CAST: variants seen among roughly 807,000 people sequenced by gnomAD.
CAST encodes the protein calpastatin, also known as MIR583 host.
CAST carries 76 observed loss-of-function variants against 119.6 expected under a neutral mutation model. The observed-to-expected ratio is 0.64, with a 90% CI of 0.53 to 0.77. The LOEUF is 0.77. Ranked by LOEUF, CAST falls within the 30% of genes least tolerant of loss-of-function variation. The pLI is 0.00. For missense variants in CAST, 953 were observed against 946.5 expected (o/e 1.01, Z -0.09); for synonymous variants, 319 against 331.6 (o/e 0.96, Z 0.41).
chr5:96,624,915 T>C (rs1747689859), intron 1 of CAST, among the ~76,000 whole-genome samples: 1 of 152,256 alleles, frequency 6.6e-6, no homozygotes, highest in Non-Finnish European at 1.5e-5. Flanking sequence ...TGGTTATTTA[T>C]TTCCATGGCA....
At chr5:96,546,510 G>T (rs972982325) in intron 1 of CAST, 14 of 151,642 alleles carry the variant, frequency 9.2e-5, no homozygotes, top group African/African-American at 3.2e-4. Context: ...TCTAAGCTTA[G>T]TATAAAGACA....
At chr5:96,346,788 T>G in the CAST span, among the ~76,000 whole-genome samples, 1 of 152,128 alleles carries the variant, frequency 6.6e-6, no homozygotes, top group Admixed American at 6.6e-5. Context: ...CCCCCATCTG[T>G]CATAAGTTGG....
At chr5:96,472,839 C>G in the CAST span, among the ~76,000 whole-genome samples, 8 of 152,198 alleles carry the variant, frequency 5.3e-5, no homozygotes, top group African/African-American at 1.9e-4. Context: ...TGACTTAGAA[C>G]AATAGAAGTA....
At chr5:96,110,065 AT>A in the CAST span, among the ~76,000 whole-genome samples, 5 of 152,220 alleles carry the variant, frequency 3.3e-5, no homozygotes, top group Admixed American at 3.3e-4. Context: ...GGCCCCTAGA[AT>A]AAAAAAGTTG....
the CAST span, among the ~76,000 whole-genome samples, chr5:96,440,481 A>C: frequency 6.6e-6 from 1 of 152,092 alleles, no homozygotes; most frequent in African/African-American, 2.4e-5. Flanking sequence ...TGTATTGGCC[A>C]GGTCTGAGTT....
At chr5:96,460,420 C>T in the CAST span, among the ~76,000 whole-genome samples, 1 of 151,994 alleles carries the variant, frequency 6.6e-6, no homozygotes, top group Non-Finnish European at 1.5e-5. Context: ...GGACAAATAC[C>T]TAATGCATGC....
At chr5:96,020,669 C>G in the CAST span, among the ~76,000 whole-genome samples, 1 of 152,192 alleles carries the variant, frequency 6.6e-6, no homozygotes, top group Admixed American at 6.5e-5. Context: ...CCAGATCAGA[C>G]AGTCTAGTTG....
chr5:96,423,289 A>G, the CAST span: 6 of 1,594,368 alleles, frequency 3.8e-6, no homozygotes, highest in Non-Finnish European at 5.1e-6. Context: ...CCTAAGTCAC[A>G]GTCATGAGAA....
chr5:96,510,342 A>G, the CAST span, among the ~76,000 whole-genome samples: 1 of 152,248 alleles, frequency 6.6e-6, no homozygotes, highest in African/African-American at 2.4e-5. Context: ...GCTGCTTTTC[A>G]GTAAATACAA....
the CAST span, among the ~76,000 whole-genome samples, chr5:96,044,838 C>G: frequency 6.6e-6 from 1 of 152,022 alleles, no homozygotes; most frequent in Non-Finnish European, 1.5e-5. Context: ...CTGTTGTGTG[C>G]TACACAGATG....
At chr5:96,061,317 C>T in the CAST span, among the ~76,000 whole-genome samples, 3 of 152,222 alleles carry the variant, frequency 2.0e-5, no homozygotes, top group South Asian at 2.1e-4. Context: ...AATGGCCTAT[C>T]ATGAGCTGGA....
chr5:96,653,750 G>T (rs1341571699), intron 1 of CAST, among the ~76,000 whole-genome samples: 8 of 151,716 alleles, frequency 5.3e-5, no homozygotes, highest in African/African-American at 1.9e-4. Flanking sequence ...TCTTTAGAAA[G>T]AAAAGAAAAA....
the CAST span, among the ~76,000 whole-genome samples, chr5:96,488,759 C>T: frequency 0.021 from 3,159 of 152,174 alleles, 52 homozygotes; most frequent in Middle Eastern, 0.037. Context: ...CTTCTACAAC[C>T]GAACAAAGTC....
the CAST span, among the ~76,000 whole-genome samples, chr5:96,060,455 A>G: frequency 6.6e-6 from 1 of 152,154 alleles, no homozygotes; most frequent in Non-Finnish European, 1.5e-5. Flanking sequence ...GGTTTGGGGC[A>G]TGCTGGAATT....
the CAST span, chr5:96,429,419 G>C: frequency 5.9e-6 from 4 of 676,984 alleles, no homozygotes; most frequent in South Asian, 6.7e-5. Context: ...CTTTTATTAA[G>C]CCCATTCCTG....
intron 1 of CAST, among the ~76,000 whole-genome samples, chr5:96,652,908 G>A (rs954331242): frequency 1.2e-4 from 18 of 152,138 alleles, no homozygotes; most frequent in East Asian, 1.9e-4. Context: ...AGGTTTGGGA[G>A]AGGTAGCTAG....
upstream of CAST, among the ~76,000 whole-genome samples, chr5:96,524,777 C>A (rs187565434): frequency 4.3e-4 from 65 of 152,314 alleles, no homozygotes; most frequent in African/African-American, 1.6e-3. Flanking sequence ...TTTCCCACCA[C>A]CACAGGCAGA....
chr5:96,186,260 G>A, the CAST span, among the ~76,000 whole-genome samples: 1 of 152,038 alleles, frequency 6.6e-6, no homozygotes, highest in Non-Finnish European at 1.5e-5. Flanking sequence ...GAGACAATGG[G>A]GTTTTCTAGA....
At chr5:96,431,148 A>G in the CAST span, among the ~76,000 whole-genome samples, 1 of 152,182 alleles carries the variant, frequency 6.6e-6, no homozygotes, top group Non-Finnish European at 1.5e-5. Flanking sequence ...TGTCCACAGT[A>G]CCCACCAGCA....
Sources: gnomAD v4.1 joint callset for allele counts (sites outside exome capture counted in the v4.1 genomes callset) on GRCh38, gnomAD v4.1.1 for gene constraint, MANE v1.5 for transcripts, NCBI Gene and HGNC (gene_info 2026-07-23, HGNC 2026-07-21) for gene names.